Variants in CALN1 observed in about 807,000 individuals in gnomAD.
CALN1 encodes calcium-binding protein 8.
Under a neutral mutation model 30.6 loss-of-function variants are expected in CALN1, and 17 were observed. The ratio of observed to expected loss-of-function variants is 0.56; its 90% CI spans 0.38 to 0.83. The LOEUF (loss-of-function observed/expected upper bound fraction) is 0.83, where lower values mean the gene tolerates loss of function less well. Ranked by LOEUF, CALN1 falls within the 40% of genes least tolerant of loss-of-function variation. The pLI is 0.00. For synonymous variants in CALN1, 156 were observed against 131.4 expected, an observed-to-expected ratio of 1.19 and a Z score of -1.28; for missense variants, 291 against 354.9, an observed-to-expected ratio of 0.82 and a Z score of 1.45.
chr7:72,057,787 A>T (rs897438747), intron 4 of CALN1, among the ~76,000 whole-genome samples: 1 of 152,154 alleles, frequency 6.6e-6, no homozygotes, highest in African/African-American at 2.4e-5. Flanking sequence ...AGATTTCTCC[A>T]TTGATCCCCT....
At chr7:72,099,106 C>A (rs1806458301) in intron 4 of CALN1, among the ~76,000 whole-genome samples, 1 of 152,066 alleles carries the variant, frequency 6.6e-6, no homozygotes, top group Admixed American at 6.6e-5. Flanking sequence ...GCGGCAGGGA[C>A]CCCAGAGAAA....
intron 1 of CALN1, among the ~76,000 whole-genome samples, chr7:72,430,440 G>A (rs1187558553): frequency 6.6e-6 from 1 of 151,910 alleles, no homozygotes; most frequent in Non-Finnish European, 1.5e-5. Context: ...AAATTTTACA[G>A]GGAGGTTAAT....
intron 3 of CALN1, among the ~76,000 whole-genome samples, chr7:72,185,250 ATC>A (rs1790103718): frequency 6.6e-6 from 1 of 152,102 alleles, no homozygotes; most frequent in Non-Finnish European, 1.5e-5. Context: ...AAGAGATCCA[ATC>A]TCTTTCCCAT....
intron 4 of CALN1, among the ~76,000 whole-genome samples, chr7:72,093,991 C>G (rs956531695): frequency 1.3e-5 from 2 of 152,160 alleles, no homozygotes; most frequent in African/African-American, 4.8e-5. Flanking sequence ...ACTTGAAGAC[C>G]ATGAAGGCCT....
At chr7:71,962,922 T>C (rs1486833750) in intron 5 of CALN1, among the ~76,000 whole-genome samples, 1 of 152,210 alleles carries the variant, frequency 6.6e-6, no homozygotes, top group Non-Finnish European at 1.5e-5. Flanking sequence ...CAACGCTTAC[T>C]CAAATTCTAG....
intron 3 of CALN1, among the ~76,000 whole-genome samples, 162 bp from the exon 4 acceptor site, chr7:72,106,456 A>C (rs1807119135): frequency 6.6e-6 from 1 of 151,834 alleles, no homozygotes; most frequent in African/African-American, 2.4e-5. Context: ...GAACAGAAGA[A>C]AAGAAACGAA....
chr7:72,073,457 C>G (rs1284147100), intron 4 of CALN1, among the ~76,000 whole-genome samples: 1 of 152,064 alleles, frequency 6.6e-6, no homozygotes, highest in Non-Finnish European at 1.5e-5. Flanking sequence ...AGTTGTAGTG[C>G]CTCCAGTAAG....
chr7:72,007,455 G>A (rs2129528960), intron 5 of CALN1, among the ~76,000 whole-genome samples: 1 of 152,262 alleles, frequency 6.6e-6, no homozygotes, highest in African/African-American at 2.4e-5. Flanking sequence ...GCTGAAGCAG[G>A]AGAATCACTT....
chr7:71,821,837 G>T (rs2116325073), intron 5 of CALN1, among the ~76,000 whole-genome samples: 1 of 150,070 alleles, frequency 6.7e-6, no homozygotes, highest in East Asian at 2.0e-4. Context: ...ACCCACGCTG[G>T]AGTACAGTGG....
At chr7:72,400,144 T>C (rs1380920209) in intron 2 of CALN1, among the ~76,000 whole-genome samples, 1 of 152,082 alleles carries the variant, frequency 6.6e-6, no homozygotes, top group African/African-American at 2.4e-5. Flanking sequence ...AACGGACTAA[T>C]ACATGGGGGT....
intron 4 of CALN1, among the ~76,000 whole-genome samples, chr7:72,042,111 T>C (rs1022293165): frequency 6.6e-6 from 1 of 152,144 alleles, no homozygotes; most frequent in Admixed American, 6.6e-5. Context: ...CAGTAGCAAC[T>C]TGGTTTGAAG....
intron 5 of CALN1, among the ~76,000 whole-genome samples, chr7:72,009,151 A>C (rs2129529077): frequency 6.6e-6 from 1 of 152,342 alleles, no homozygotes; most frequent in African/African-American, 2.4e-5. Context: ...GCAAGCCTAA[A>C]GTCAAAGTTA....
At chr7:72,029,456 A>T (rs1347050396) in intron 4 of CALN1, among the ~76,000 whole-genome samples, 1 of 151,906 alleles carries the variant, frequency 6.6e-6, no homozygotes, top group Non-Finnish European at 1.5e-5. Context: ...GAACTCCTAA[A>T]TCCTTTGGAA....
chr7:71,981,301 G>A (rs1004856930), intron 5 of CALN1, among the ~76,000 whole-genome samples: 10 of 151,934 alleles, frequency 6.6e-5, no homozygotes, highest in Non-Finnish European at 1.5e-4. Context: ...TCTGATTGTG[G>A]GTCTTAAGAC....
chr7:72,435,841 T>G (rs899895388), intron 1 of CALN1, among the ~76,000 whole-genome samples: 17 of 152,196 alleles, frequency 1.1e-4, no homozygotes, highest in African/African-American at 3.9e-4. Flanking sequence ...TAATTCAGCG[T>G]GTAATAACCT....
chr7:72,009,949 A>G (rs770730351), intron 5 of CALN1, among the ~76,000 whole-genome samples: 9 of 152,208 alleles, frequency 5.9e-5, no homozygotes, highest in Non-Finnish European at 1.0e-4. Context: ...TAAGAGGTTA[A>G]TTTCCTAAAA....
At chr7:72,072,906 A>G (rs1264996044) in intron 4 of CALN1, among the ~76,000 whole-genome samples, 3 of 152,192 alleles carry the variant, frequency 2.0e-5, no homozygotes, top group Non-Finnish European at 4.4e-5. Flanking sequence ...TAAAATATAT[A>G]CAAAAGAGAA....
intron 2 of CALN1, among the ~76,000 whole-genome samples, chr7:72,397,300 G>C (rs998266818): frequency 6.6e-6 from 1 of 152,182 alleles, no homozygotes; most frequent in Non-Finnish European, 1.5e-5. Context: ...GAGAGAGGCA[G>C]GTTGCAGTGT....
intron 5 of CALN1, among the ~76,000 whole-genome samples, chr7:72,012,018 A>G (rs1800110773): frequency 6.6e-6 from 1 of 152,164 alleles, no homozygotes; most frequent in Non-Finnish European, 1.5e-5. Flanking sequence ...ACACTTGAGG[A>G]TAAGTAGATT....
Sources: gnomAD v4.1 joint callset for allele counts (sites outside exome capture counted in the v4.1 genomes callset) on GRCh38, gnomAD v4.1.1 for gene constraint, MANE v1.5 for transcripts, NCBI Gene and HGNC (gene_info 2026-07-23, HGNC 2026-07-21) for gene names.